GALNT11: variants seen among roughly 807,000 people sequenced by gnomAD.
The protein encoded by GALNT11 is polypeptide N-acetylgalactosaminyltransferase 11.
A neutral mutation model predicts 72.7 loss-of-function variants in GALNT11; 47 were observed. The ratio of observed to expected loss-of-function variants is 0.65; its 90% CI spans 0.51 to 0.82. GALNT11 has a LOEUF of 0.82. Ranked by LOEUF, GALNT11 falls within the 40% of genes least tolerant of loss-of-function variation. The pLI is 0.00. For synonymous variants in GALNT11, 270 were observed against 286.6 expected (o/e 0.94, Z 0.58); for missense variants, 677 against 778.4 (o/e 0.87, Z 1.55).
chr7:152,049,555 T>C (rs946950435), intron 1 of GALNT11, among the ~76,000 whole-genome samples: 5 of 152,136 alleles, frequency 3.3e-5, no homozygotes, highest in African/African-American at 1.2e-4. Context: ...CCACCACCAC[T>C]GAGATTACAC....
rs1175067378 is a variant in GALNT11, at chr7:152,094,416, A to C, written c.189A>C (p.Pro63=). The C allele has an allele frequency of 6.2e-7, 1 of 1,614,184 alleles. No individual in the cohort carries two copies. The highest frequency in any genetic ancestry group is 1.7e-5 in the Admixed American group (1 of 60,022). The change falls in exon 2 of 12, where the codon CCA becomes CCC. Residue 63 remains proline (P), a synonymous_variant. Coordinates refer to ENST00000430044, the MANE Select transcript of GALNT11 (RefSeq NM_022087.4). The surrounding 1 kb of genome is among the most constrained non-coding windows in gnomAD (Gnocchi z 4.3). ...TCTATCCCCGTTTCACTCGAGGCCC[A>C]AGTCGAGTGCTCGAGCCACAGTTCA... is the stretch of plus-strand genomic sequence containing the variant. ...KKFYPRFTRG[P]SRVLEPQFKA...
chr7:152,062,214 G>A (rs1000630470), intron 1 of GALNT11, among the ~76,000 whole-genome samples: 16 of 152,096 alleles, frequency 1.1e-4, no homozygotes, highest in African/African-American at 3.9e-4. Context: ...GGATCCCTAG[G>A]TATTTATTCT....
At chr7:152,112,925 T>C (rs2088401609) in intron 7 of GALNT11, among the ~76,000 whole-genome samples, 1 of 152,216 alleles carries the variant, frequency 6.6e-6, no homozygotes, top group Non-Finnish European at 1.5e-5. Context: ...TAAGCACTTC[T>C]TGTTCTTAAG....
At chr7:152,065,606 C>A (rs764983031) in intron 1 of GALNT11, among the ~76,000 whole-genome samples, 19 of 152,182 alleles carry the variant, frequency 1.2e-4, no homozygotes, top group Non-Finnish European at 2.1e-4. Context: ...TGGTGACGTA[C>A]AGATGGGATT....
At chr7:152,103,034 TA>T in intron 3 of GALNT11, 77 bp from the exon 4 acceptor site, 1 of 1,332,164 alleles carries the variant, frequency 7.5e-7, no homozygotes, top group Non-Finnish European at 1.0e-6. Context: ...AAGGGGACAG[TA>T]AATCTGTAGG....
chr7:152,027,965 C>T (rs2082110308), intron 1 of GALNT11, among the ~76,000 whole-genome samples: 1 of 152,086 alleles, frequency 6.6e-6, no homozygotes, highest in Non-Finnish European at 1.5e-5. Context: ...GTGAGTGTTA[C>T]AGGTCTTAAA....
intron 1 of GALNT11, among the ~76,000 whole-genome samples, chr7:152,031,972 T>C (rs2082322280): frequency 6.6e-6 from 1 of 152,196 alleles, no homozygotes; most frequent in African/African-American, 2.4e-5. Flanking sequence ...GTATAGGCTG[T>C]ATTCGTTCCT....
At chr7:152,039,685 CT>C (rs1294810196) in intron 1 of GALNT11, among the ~76,000 whole-genome samples, 1 of 152,150 alleles carries the variant, frequency 6.6e-6, no homozygotes, top group Non-Finnish European at 1.5e-5. Flanking sequence ...CTCCTGGAAT[CT>C]TTTCCCCAGC....
At position 152,108,239 on chromosome 7, in the gene GALNT11, TC is replaced by T; in HGVS notation, c.919del (p.Leu307PhefsTer4). On this transcript the variant is annotated frameshift_variant, in exon 6 of 12. Transcript: ENST00000430044. LOFTEE classifies it high-confidence loss of function. ...NWGLHFKWDL[V>X]PLSELGRAEG... ...GGACTGCACTTCAAATGGGATCTTG[TC>T]CCCCTTTCTGAGCTAGGACGAGCGG... 6.2e-7 allele frequency: 1 copy of T among 1,614,002 alleles called. No homozygotes were observed. Among genetic ancestry groups the T allele is most frequent in the Non-Finnish European group, 8.5e-7 (1 of 1,179,878 alleles).
chr7:152,030,126 A>G (rs2082237022), intron 1 of GALNT11, among the ~76,000 whole-genome samples: 1 of 152,226 alleles, frequency 6.6e-6, no homozygotes, highest in Non-Finnish European at 1.5e-5. Flanking sequence ...AAGACACAAG[A>G]CAGAGATAAA....
At chr7:152,084,465 T>C (rs2085518745) in intron 1 of GALNT11, among the ~76,000 whole-genome samples, 1 of 152,106 alleles carries the variant, frequency 6.6e-6, no homozygotes, top group Admixed American at 6.6e-5. Flanking sequence ...TTAAATATTT[T>C]CTCTCACAGT....
At chr7:152,105,747 G>A (rs990617004) in intron 5 of GALNT11, among the ~76,000 whole-genome samples, 2 of 152,162 alleles carry the variant, frequency 1.3e-5, no homozygotes, top group Admixed American at 6.5e-5. Flanking sequence ...CCAAACTGTC[G>A]ATTGGAACTA....
chr7:152,052,535 G>T (rs183136900), intron 1 of GALNT11, among the ~76,000 whole-genome samples: 1 of 151,976 alleles, frequency 6.6e-6, no homozygotes, highest in Non-Finnish European at 1.5e-5. Flanking sequence ...AAAGATCTTC[G>T]TACCTTACTA....
Position 152,071,746 on chromosome 7 carries a change from G to A in GALNT11, c.-38-22444G>A, listed in dbSNP as rs549251910. On this transcript the variant is annotated intron_variant, in intron 1 of 11. Transcript: ENST00000430044. The stretch of plus-strand genomic sequence containing the variant: ...AGAAATTATAAAAGTATTAATTTGG[G>A]GAACTAATAAATGTCCATGAAATCT... Among the ~76,000 whole-genome samples the A allele has an allele frequency of 7.1e-4, 108 of 152,186 alleles. 1 individual carries two copies. Among genetic ancestry groups the A allele is most frequent in the African/African-American group, 2.5e-3 (105 of 41,526 alleles).
chr7:152,116,960 G>A (rs1362995691), intron 8 of GALNT11, 197 bp from the exon 9 acceptor site: 4 of 686,272 alleles, frequency 5.8e-6, no homozygotes, highest in Admixed American at 4.0e-5. Context: ...TAAGAACATC[G>A]ATGACTGAGA....
chr7:152,115,482 C>T (rs571464233), intron 8 of GALNT11, among the ~76,000 whole-genome samples: 1 of 152,318 alleles, frequency 6.6e-6, no homozygotes, highest in African/African-American at 2.4e-5. Flanking sequence ...AGCACTTCTG[C>T]TGTGTACTGA....
At chr7:152,081,873 C>T (rs1291947299) in intron 1 of GALNT11, among the ~76,000 whole-genome samples, 1 of 152,056 alleles carries the variant, frequency 6.6e-6, no homozygotes, top group Non-Finnish European at 1.5e-5. Context: ...CTTTTTTCAC[C>T]TGACAACATA....
intron 1 of GALNT11, among the ~76,000 whole-genome samples, chr7:152,089,624 A>G (rs2085879337): frequency 6.6e-6 from 1 of 152,208 alleles, no homozygotes; most frequent in African/African-American, 2.4e-5. Flanking sequence ...GCTTATGCCA[A>G]ATAGGGAAGG....
Position 152,098,641 on chromosome 7 carries a change from A to C in GALNT11, c.296-2157A>C, listed in dbSNP as rs539475656. 2.6e-5 allele frequency among the ~76,000 whole-genome samples: 4 copies of C among 152,256 alleles called. No homozygotes were observed. The East Asian group carries it at 7.7e-4, about 29-fold the overall frequency. On this transcript the variant is annotated intron_variant, in intron 2 of 11. Transcript: ENST00000430044. ...ACCTATAATAGAACATGATTCTTTCATGTTCTGATACTTGTTGAATTAAGG... is the reference window on the plus strand; with the variant it reads ...ACCTATAATAGAACATGATTCTTTCCTGTTCTGATACTTGTTGAATTAAGG...
Sources: gnomAD v4.1 joint callset for allele counts (sites outside exome capture counted in the v4.1 genomes callset) on GRCh38, gnomAD v4.1.1 for gene constraint, Gnocchi (gnomAD v3.1) non-coding constraint, MANE v1.5 for transcripts, NCBI Gene and HGNC (gene_info 2026-07-23, HGNC 2026-07-21) for gene names.